NKAIN2: variants seen among roughly 807,000 people sequenced by gnomAD.
NKAIN2 encodes the protein sodium/potassium-transporting ATPase subunit beta-1-interacting protein 2.
NKAIN2 carries 14 observed loss-of-function variants against 32.6 expected under a neutral mutation model. The ratio of observed to expected loss-of-function variants is 0.43; its 90% CI spans 0.28 to 0.67. The LOEUF (loss-of-function observed/expected upper bound fraction) is 0.67, where lower values mean the gene tolerates loss of function less well. Ranked by LOEUF, NKAIN2 falls within the 30% of genes least tolerant of loss-of-function variation. The pLI, the probability that NKAIN2 is intolerant of heterozygous loss-of-function variation, is 0.17. For synonymous variants in NKAIN2, 80 were observed against 87.2 expected (o/e 0.92, Z 0.46); for missense variants, 198 against 258.3 (o/e 0.77, Z 1.60).
chr6:123,804,191 C>T lies in NKAIN2; in HGVS notation c.-10C>T. 1 of 1,613,644 alleles carries T rather than the reference C, an allele frequency of 6.2e-7. No individual in the cohort carries two copies. The stretch of plus-strand genomic sequence containing the variant: ...GGGACAGTCTGGCTGTGGCAGGGGT[C>T]TCGGAAACCATGGGTTATTGCAGTG... On this transcript the variant is annotated 5_prime_UTR_variant, in exon 1 of 7. Transcript: ENST00000368417.
At chr6:124,065,799 T>C (rs997668281) in intron 1 of NKAIN2, among the ~76,000 whole-genome samples, 5 of 152,198 alleles carry the variant, frequency 3.3e-5, no homozygotes, top group Admixed American at 2.0e-4. Context: ...TATACACAGT[T>C]GCATATTTCT....
intron 3 of NKAIN2, among the ~76,000 whole-genome samples, chr6:124,381,705 G>C (rs1772649675): frequency 6.6e-6 from 1 of 152,094 alleles, no homozygotes; most frequent in Non-Finnish European, 1.5e-5. Context: ...ATAAAGATTA[G>C]CCAAATATAA....
chr6:124,437,871 GAT>G (rs1491307157), intron 3 of NKAIN2: 5 of 345,724 alleles, frequency 1.4e-5, no homozygotes, highest in Non-Finnish European at 2.2e-5. Flanking sequence ...CTGATCTATT[GAT>G]TTTTTTTTTT....
At chr6:123,893,872 C>T (rs1350444097) in intron 1 of NKAIN2, among the ~76,000 whole-genome samples, 2 of 152,056 alleles carry the variant, frequency 1.3e-5, no homozygotes, top group Non-Finnish European at 2.9e-5. Flanking sequence ...ACAGAAGGCC[C>T]AGTATCTTAA....
At chr6:124,495,699 A>AT (rs1778036982) in intron 3 of NKAIN2, among the ~76,000 whole-genome samples, 2 of 152,110 alleles carry the variant, frequency 1.3e-5, no homozygotes, top group South Asian at 4.1e-4. Context: ...ATTCCAAAGG[A>AT]TTCTAAGAGA....
chr6:124,174,333 A>G (rs1015508190), intron 1 of NKAIN2, among the ~76,000 whole-genome samples: 11 of 152,154 alleles, frequency 7.2e-5, no homozygotes, highest in Non-Finnish European at 1.3e-4. Context: ...CCTGTTAATC[A>G]TTCTAAACCA....
intron 1 of NKAIN2, among the ~76,000 whole-genome samples, chr6:124,070,475 C>T (rs1285420359): frequency 6.6e-6 from 1 of 152,116 alleles, no homozygotes; most frequent in Non-Finnish European, 1.5e-5. Context: ...TTGAGTATTC[C>T]TCCCACACCT....
chr6:124,072,243 C>T (rs113455083), intron 1 of NKAIN2, among the ~76,000 whole-genome samples: 2,698 of 152,142 alleles, frequency 0.018, 47 homozygotes, highest in African/African-American at 0.042. Flanking sequence ...CAAAATATGG[C>T]ATCTTCTCCC....
At chr6:124,557,810 G>T (rs1346212150) in intron 3 of NKAIN2, among the ~76,000 whole-genome samples, 3 of 152,166 alleles carry the variant, frequency 2.0e-5, no homozygotes, top group Non-Finnish European at 4.4e-5. Flanking sequence ...TTTCTGGTTA[G>T]AAAGGCTTTA....
chr6:124,012,545 A>G lies in NKAIN2; in HGVS notation c.54+208291A>G, dbSNP rs180753135. ...GAGACGGGGTTTCACCATATTGGCC[A>G]GACTGGTCTCGAACTCCTGACCTTG... On this transcript the variant is annotated intron_variant, in intron 1 of 6. Coordinates refer to ENST00000368417, the MANE Select transcript of NKAIN2 (RefSeq NM_001040214.3). Among the ~76,000 whole-genome samples, 51 of 152,210 alleles carry G rather than the reference A, an allele frequency of 3.4e-4. No individual in the cohort carries two copies. The East Asian group carries it at 9.7e-3, about 29-fold the overall frequency.
intron 3 of NKAIN2, among the ~76,000 whole-genome samples, chr6:124,516,386 AT>A (rs1055712476): frequency 3.3e-5 from 5 of 151,484 alleles, no homozygotes; most frequent in South Asian, 2.1e-4. Flanking sequence ...ATTTTGTGTT[AT>A]TTTTTTTCAG....
intron 1 of NKAIN2, among the ~76,000 whole-genome samples, chr6:124,179,237 A>G (rs905528511): frequency 2.0e-5 from 3 of 152,188 alleles, no homozygotes; most frequent in African/African-American, 4.8e-5. Context: ...TGGCTCACAG[A>G]GCTGGAGGCA....
At chr6:124,398,404 G>C (rs923057747) in intron 3 of NKAIN2, among the ~76,000 whole-genome samples, 1 of 152,032 alleles carries the variant, frequency 6.6e-6, no homozygotes, top group Non-Finnish European at 1.5e-5. Flanking sequence ...GCACAAAAGT[G>C]GAAATCCTAA....
rs1780266780 is a variant in NKAIN2 at position 124,801,732 on chromosome 6, C to T, written c.535+10333C>T. On this transcript the variant is annotated intron_variant, in intron 5 of 6. Transcript: ENST00000368417. Reference sequence around the variant, plus strand: ...AGACAAGGAAAGGGGATGGAGGTGCCATGGGAATGATTCCAAGAAGAACTC... The same window carrying T: ...AGACAAGGAAAGGGGATGGAGGTGCTATGGGAATGATTCCAAGAAGAACTC... Among the ~76,000 whole-genome samples the T allele has an allele frequency of 2.0e-5, 3 of 152,124 alleles. No homozygotes were observed. The South Asian group carries it at 6.2e-4, about 32-fold the overall frequency.
intron 2 of NKAIN2, among the ~76,000 whole-genome samples, chr6:124,318,175 C>T (rs939784953): frequency 1.3e-5 from 2 of 151,992 alleles, no homozygotes; most frequent in African/African-American, 4.8e-5. Flanking sequence ...TACTTTACTT[C>T]TTTTAAAAAA....
At chr6:124,239,526 G>A (rs190865131) in intron 1 of NKAIN2, among the ~76,000 whole-genome samples, 220 of 152,062 alleles carry the variant, frequency 1.4e-3, no homozygotes, top group Non-Finnish European at 1.9e-3. Context: ...GAAAAAGAAC[G>A]AAAATCATAA....
At chr6:124,346,455 T>A (rs1374243072) in intron 2 of NKAIN2, among the ~76,000 whole-genome samples, 2 of 152,172 alleles carry the variant, frequency 1.3e-5, no homozygotes, top group Admixed American at 6.5e-5. Flanking sequence ...CCCATTGTTA[T>A]TGTGTGGGAG....
At chr6:124,023,356 C>T (rs970056475) in intron 1 of NKAIN2, among the ~76,000 whole-genome samples, 1 of 152,006 alleles carries the variant, frequency 6.6e-6, no homozygotes, top group Admixed American at 6.6e-5. Context: ...TTCTAATACT[C>T]CTTCATTTCA....
chr6:124,725,334 G>A (rs1232956083), intron 4 of NKAIN2, among the ~76,000 whole-genome samples: 1 of 152,018 alleles, frequency 6.6e-6, no homozygotes, highest in Non-Finnish European at 1.5e-5. Context: ...AAACTCCTGG[G>A]TTCAAGCAAT....
Sources: allele counts gnomAD v4.1 joint callset (sites outside exome capture counted in the v4.1 genomes callset), GRCh38; gene constraint gnomAD v4.1.1; transcripts MANE v1.5; gene names NCBI Gene and HGNC (gene_info 2026-07-23, HGNC 2026-07-21).